Variants in NPAS3 observed in about 807,000 individuals in gnomAD.
NPAS3 encodes the protein neuronal PAS domain-containing protein 3.
NPAS3 carries 14 observed loss-of-function variants against 73.1 expected under a neutral mutation model. The observed-to-expected ratio is 0.19, with a 90% CI of 0.13 to 0.30. The LOEUF (loss-of-function observed/expected upper bound fraction) is 0.30, where lower values mean the gene tolerates loss of function less well. NPAS3 is among the 10% of genes least tolerant of loss of function. The probability of loss-of-function intolerance (pLI) is 1.00; values close to 1 mark genes in which losing one functional copy is unlikely to be tolerated. For missense variants in NPAS3, 1,096 were observed against 1,250.0 expected (o/e 0.88, Z 1.86); for synonymous variants, 620 against 541.5 (o/e 1.14, Z -2.01).
At chr14:33,080,192 C>T (rs1032801473) in intron 2 of NPAS3, among the ~76,000 whole-genome samples, 1 of 152,096 alleles carries the variant, frequency 6.6e-6, no homozygotes, top group African/African-American at 2.4e-5. Context: ...ACTGCAATCT[C>T]TGCCTCCGGG....
chr14:33,507,382 G>T (rs2139975048), intron 4 of NPAS3, among the ~76,000 whole-genome samples: 1 of 152,144 alleles, frequency 6.6e-6, no homozygotes, highest in African/African-American at 2.4e-5. Context: ...AAGTAAAACA[G>T]CAGGACATTC....
chr14:33,695,209 A>G (rs1342055170), intron 6 of NPAS3, among the ~76,000 whole-genome samples: 1 of 152,190 alleles, frequency 6.6e-6, no homozygotes, highest in Non-Finnish European at 1.5e-5. Flanking sequence ...AGTATTTTTT[A>G]AAGTATTTTC....
intron 4 of NPAS3, among the ~76,000 whole-genome samples, chr14:33,447,070 A>C (rs28584653): frequency 0.14 from 21,018 of 152,228 alleles, 1,850 homozygotes; most frequent in African/African-American, 0.25. Flanking sequence ...AGAAGCTCAC[A>C]ATCTGTGGAG....
chr14:33,728,857 C>T (rs1347020869), intron 6 of NPAS3, among the ~76,000 whole-genome samples: 1 of 152,184 alleles, frequency 6.6e-6, no homozygotes, highest in Non-Finnish European at 1.5e-5. Context: ...GAGATGAATA[C>T]AAGGAGAGGA....
chr14:33,217,241 C>G (rs1390131209), intron 3 of NPAS3, among the ~76,000 whole-genome samples: 1 of 152,100 alleles, frequency 6.6e-6, no homozygotes, highest in East Asian at 1.9e-4. Context: ...CCCAGAAGCT[C>G]CCTTTCCTGA....
At chr14:33,057,340 A>G (rs952951262) in intron 2 of NPAS3, among the ~76,000 whole-genome samples, 14 of 151,796 alleles carry the variant, frequency 9.2e-5, no homozygotes, top group Admixed American at 1.3e-4. Context: ...TCTGTGAGTC[A>G]TTTATTGTGG....
chr14:33,578,365 T>C, intron 5 of NPAS3: 1 of 370,388 alleles, frequency 2.7e-6, no homozygotes, highest in South Asian at 2.1e-5. Context: ...GGCTAATTTT[T>C]TGTATTTTTA....
At chr14:33,702,589 G>T (rs2060551532) in intron 6 of NPAS3, among the ~76,000 whole-genome samples, 1 of 152,152 alleles carries the variant, frequency 6.6e-6, no homozygotes, top group Admixed American at 6.5e-5. Context: ...ACTTTTCTAT[G>T]TATAACCTAG....
At chr14:33,088,202 G>A (rs979839337) in intron 2 of NPAS3, among the ~76,000 whole-genome samples, 2 of 152,208 alleles carry the variant, frequency 1.3e-5, no homozygotes, top group African/African-American at 4.8e-5. Context: ...AGGACAGTGG[G>A]TGCAGCCCAC....
At chr14:33,698,168 T>C (rs958427920) in intron 6 of NPAS3, among the ~76,000 whole-genome samples, 1 of 152,084 alleles carries the variant, frequency 6.6e-6, no homozygotes, top group Non-Finnish European at 1.5e-5. Flanking sequence ...AAATCATCAC[T>C]CAACCATCAC....
chr14:33,580,039 C>G (rs924421902), intron 5 of NPAS3, among the ~76,000 whole-genome samples: 1 of 152,158 alleles, frequency 6.6e-6, no homozygotes, highest in Non-Finnish European at 1.5e-5. Flanking sequence ...ACCTTTGTTA[C>G]TCATACAATA....
At chr14:33,065,458 T>G (rs2041245199) in intron 2 of NPAS3, among the ~76,000 whole-genome samples, 1 of 152,158 alleles carries the variant, frequency 6.6e-6, no homozygotes, top group African/African-American at 2.4e-5. Context: ...TTAGGTCCAG[T>G]TCTTAAAGCA....
In NPAS3 at chr14:33,013,485, T is replaced by C. The variant is rs556223521; in HGVS notation, c.51-42420T>C. On this transcript the variant is annotated intron_variant, in intron 1 of 11. Transcript: ENST00000356141. ...TGATTTTAAATGTAGTACATACTTA[T>C]TGTATGCCACACAGTGTACAGAAAT... Among the ~76,000 whole-genome samples, 8 of 152,286 alleles carry C rather than the reference T, an allele frequency of 5.3e-5. No homozygotes were observed. In the East Asian group the frequency reaches 5.8e-4, roughly 11 times the overall value.
intron 3 of NPAS3, among the ~76,000 whole-genome samples, chr14:33,327,594 G>A (rs2043769433): frequency 6.6e-6 from 1 of 152,140 alleles, no homozygotes; most frequent in Non-Finnish European, 1.5e-5. Context: ...CCACAGCAGA[G>A]GCACAGGCAG....
chr14:33,396,398 T>TTATC (rs2047223725), intron 4 of NPAS3, among the ~76,000 whole-genome samples: 1 of 152,156 alleles, frequency 6.6e-6, no homozygotes, highest in Non-Finnish European at 1.5e-5. Flanking sequence ...AATACCTTTG[T>TTATC]TATCTTATTT....
chr14:33,749,670 G>A (rs1324023037), intron 7 of NPAS3, among the ~76,000 whole-genome samples: 7 of 152,168 alleles, frequency 4.6e-5, no homozygotes, highest in Non-Finnish European at 1.0e-4. Flanking sequence ...GGACTGTTAA[G>A]CTCTGTGGAT....
At chr14:33,146,368 T>C (rs1255722108) in intron 2 of NPAS3, among the ~76,000 whole-genome samples, 1 of 152,178 alleles carries the variant, frequency 6.6e-6, no homozygotes, top group Non-Finnish European at 1.5e-5. Context: ...CTGAGTGTCA[T>C]ACTCTGTACA....
intron 3 of NPAS3, among the ~76,000 whole-genome samples, chr14:33,222,087 C>A (rs1214533211): frequency 6.6e-6 from 1 of 152,020 alleles, no homozygotes; most frequent in Non-Finnish European, 1.5e-5. Context: ...ATGATAATAA[C>A]TTGAGGGGAA....
chr14:33,382,231 C>T lies in NPAS3; in HGVS notation c.468+14963C>T, dbSNP rs116838897. On this transcript the variant is annotated intron_variant, in intron 4 of 11. Transcript: ENST00000356141. Reference sequence around the variant, plus strand: ...TGCTGAAAAATAACTGCTTACAATTCATTGCATTGAAAAAAAAAATCCAGG... The same window carrying T: ...TGCTGAAAAATAACTGCTTACAATTTATTGCATTGAAAAAAAAAATCCAGG... Among the ~76,000 whole-genome samples the T allele has an allele frequency of 8.6e-3, 1,301 of 152,110 alleles. 19 individuals carry two copies. The highest frequency in any genetic ancestry group is 0.029 in the African/African-American group (1,211 of 41,496).
Sources: allele counts gnomAD v4.1 joint callset (sites outside exome capture counted in the v4.1 genomes callset), GRCh38; gene constraint gnomAD v4.1.1; transcripts MANE v1.5; gene names NCBI Gene and HGNC (gene_info 2026-07-23, HGNC 2026-07-21).